Variants in CDH9 observed in about 807,000 individuals in gnomAD.
CDH9 encodes the protein cadherin-9.
In CDH9, 28 loss-of-function variants were observed where a neutral mutation model predicts 70.9. The observed-to-expected ratio is 0.40, with a 90% CI of 0.29 to 0.54. The LOEUF is 0.54. Among genes scored for constraint, CDH9 ranks in the 20% least tolerant of loss-of-function variants. The probability of loss-of-function intolerance (pLI) is 0.59; values close to 1 mark genes in which losing one functional copy is unlikely to be tolerated. For missense variants in CDH9, 874 were observed against 984.4 expected (o/e 0.89, Z 1.50); for synonymous variants, 409 against 343.1 (o/e 1.19, Z -2.12).
At chr5:26,888,116 G>T (rs975265325) in intron 9 of CDH9, among the ~76,000 whole-genome samples, 11 of 152,162 alleles carry the variant, frequency 7.2e-5, no homozygotes, top group African/African-American at 2.2e-4. Context: ...TGGCCTTAAT[G>T]ATTTTAAAAG....
At chr5:26,951,458 T>C (rs1323683162) in intron 2 of CDH9, among the ~76,000 whole-genome samples, 1 of 152,148 alleles carries the variant, frequency 6.6e-6, no homozygotes, top group Non-Finnish European at 1.5e-5. Context: ...TTGCTTTTGA[T>C]AATTAAATCA....
At chr5:26,956,266 TG>T (rs1741946056) in intron 2 of CDH9, among the ~76,000 whole-genome samples, 1 of 152,166 alleles carries the variant, frequency 6.6e-6, no homozygotes, top group African/African-American at 2.4e-5. Flanking sequence ...TCTCTTCTCT[TG>T]TCTGCTGCTT....
At chr5:26,950,909 A>G (rs1478057190) in intron 2 of CDH9, among the ~76,000 whole-genome samples, 1 of 152,194 alleles carries the variant, frequency 6.6e-6, no homozygotes, top group Non-Finnish European at 1.5e-5. Context: ...TTAAAAATAT[A>G]TAGTAGAGAT....
chr5:26,883,455 G>C (rs1431361033), intron 11 of CDH9, among the ~76,000 whole-genome samples: 2 of 151,778 alleles, frequency 1.3e-5, no homozygotes, highest in East Asian at 3.9e-4. Context: ...GGAAGAATAG[G>C]ATAAGAAATG....
chr5:26,938,991 T>C (rs1561201865), intron 2 of CDH9, among the ~76,000 whole-genome samples: 1 of 151,958 alleles, frequency 6.6e-6, no homozygotes, highest in Non-Finnish European at 1.5e-5. Context: ...ACAACAACAA[T>C]TTAAAATATT....
chr5:26,971,417 A>G (rs1377626898), intron 2 of CDH9, among the ~76,000 whole-genome samples: 1 of 152,188 alleles, frequency 6.6e-6, no homozygotes, highest in East Asian at 1.9e-4. Flanking sequence ...AACTTTAGCG[A>G]AATACCTGCT....
intron 1 of CDH9, among the ~76,000 whole-genome samples, chr5:27,036,817 C>G (rs984248402): frequency 1.2e-4 from 18 of 151,840 alleles, no homozygotes; most frequent in Admixed American, 1.1e-3. Context: ...TATTTATCTA[C>G]TCCTCATTTG....
At chr5:26,984,713 T>C (rs994876320) in intron 2 of CDH9, among the ~76,000 whole-genome samples, 7 of 152,156 alleles carry the variant, frequency 4.6e-5, no homozygotes, top group African/African-American at 1.4e-4. Context: ...CACAAGTGTC[T>C]CTTCAAGTTA....
chr5:26,962,669 C>A (rs1193200501), intron 2 of CDH9, among the ~76,000 whole-genome samples: 1 of 152,016 alleles, frequency 6.6e-6, no homozygotes, highest in Admixed American at 6.6e-5. Flanking sequence ...CTGAAGTTTT[C>A]TTACTGACTC....
At chr5:26,919,493 C>G (rs1252929208) in intron 2 of CDH9, among the ~76,000 whole-genome samples, 1 of 152,086 alleles carries the variant, frequency 6.6e-6, no homozygotes, top group East Asian at 1.9e-4. Flanking sequence ...GCCGTCTAGG[C>G]CACAAAAATT....
At chr5:26,896,239 C>T (rs1369095045) in intron 7 of CDH9, among the ~76,000 whole-genome samples, 1 of 151,746 alleles carries the variant, frequency 6.6e-6, no homozygotes, top group Non-Finnish European at 1.5e-5. Flanking sequence ...AGCAAGTTTG[C>T]AAATTTTACT....
At position 26,925,072 on chromosome 5, in the gene CDH9, T is replaced by C. The variant is rs368297219; in HGVS notation, c.229-9148A>G. Among the ~76,000 whole-genome samples the C allele has an allele frequency of 3.0e-4, 45 of 152,292 alleles. 1 individual carries two copies. Among genetic ancestry groups the C allele is most frequent in the African/African-American group, 9.9e-4 (41 of 41,566 alleles). ...AATCCTTTGGGCATATATCCAGTAATGGCATCACTGGGTCAAATGGTATTT... is the reference window on the plus strand; with the variant it reads ...AATCCTTTGGGCATATATCCAGTAACGGCATCACTGGGTCAAATGGTATTT... On this transcript the variant is annotated intron_variant, in intron 2 of 11. Coordinates refer to ENST00000231021, the MANE Select transcript of CDH9 (RefSeq NM_016279.4).
intron 1 of CDH9, among the ~76,000 whole-genome samples, chr5:27,024,654 A>T (rs569628893): frequency 3.4e-4 from 52 of 152,258 alleles, no homozygotes; most frequent in African/African-American, 1.2e-3. Context: ...GCATTACCAC[A>T]GTCATTAACA....
At chr5:26,882,942 T>C (rs1479628240) in intron 11 of CDH9, among the ~76,000 whole-genome samples, 1 of 150,458 alleles carries the variant, frequency 6.6e-6, no homozygotes, top group East Asian at 2.0e-4. Flanking sequence ...TCTCAGCTCT[T>C]CCTAACTGAA....
intron 1 of CDH9, among the ~76,000 whole-genome samples, chr5:26,996,291 C>CA (rs1742663953): frequency 6.6e-6 from 1 of 151,794 alleles, no homozygotes; most frequent in South Asian, 2.1e-4. Flanking sequence ...CTTCAAAATG[C>CA]AAAAACAAAA....
chr5:26,970,350 G>A (rs1031828547), intron 2 of CDH9, among the ~76,000 whole-genome samples: 1 of 151,806 alleles, frequency 6.6e-6, no homozygotes. Flanking sequence ...GTAAAGAAAT[G>A]ACCATGAGTC....
chr5:26,893,965 T>G (rs1740704725), intron 7 of CDH9, among the ~76,000 whole-genome samples: 1 of 152,106 alleles, frequency 6.6e-6, no homozygotes, highest in Non-Finnish European at 1.5e-5. Flanking sequence ...TATTATAAGG[T>G]TTTTGAGAGA....
At chr5:27,030,741 A>G (rs1743297414) in intron 1 of CDH9, among the ~76,000 whole-genome samples, 2 of 151,870 alleles carry the variant, frequency 1.3e-5, no homozygotes, top group African/African-American at 2.4e-5. Context: ...AAGCATAACA[A>G]AAAAATACAG....
intron 2 of CDH9, among the ~76,000 whole-genome samples, chr5:26,963,081 AATT>A (rs1174945660): frequency 2.6e-5 from 4 of 152,238 alleles, no homozygotes; most frequent in Non-Finnish European, 5.9e-5. Context: ...GTTCAAAAAC[AATT>A]ATTATGATGC....
Sources: allele counts gnomAD v4.1 joint callset (sites outside exome capture counted in the v4.1 genomes callset), GRCh38; gene constraint gnomAD v4.1.1; transcripts MANE v1.5; gene names NCBI Gene and HGNC (gene_info 2026-07-23, HGNC 2026-07-21).